The following LSAMP variants were observed in gnomAD, a reference collection of about 807,000 sequenced individuals.
LSAMP encodes the protein limbic system-associated membrane protein.
LSAMP carries 7 observed loss-of-function variants against 38.6 expected under a neutral mutation model. The ratio of observed to expected loss-of-function variants is 0.18; its 90% confidence interval spans 0.10 to 0.34. The LOEUF is 0.34. LSAMP is among the 10% of genes least tolerant of loss of function. The pLI is 1.00. For synonymous variants in LSAMP, 154 were observed against 166.8 expected (o/e 0.92, Z 0.59); for missense variants, 313 against 420.0 (o/e 0.75, Z 2.23).
At position 115,838,143 on chromosome 3, in the gene LSAMP, T is replaced by C. The variant is rs74517260; in HGVS notation, c.919+3702A>G. Reference sequence around the variant, plus strand: ...CCACTGCACTCCAGCCTGGGTAACATAGCAAGACCTGTTTCTGACACAAAA... The same window carrying C: ...CCACTGCACTCCAGCCTGGGTAACACAGCAAGACCTGTTTCTGACACAAAA... On this transcript the variant is annotated intron_variant, in intron 6 of 6. Coordinates refer to ENST00000490035, the MANE Select transcript of LSAMP (RefSeq NM_002338.5). 304 of 152,340 alleles carry C rather than the reference T, an allele frequency of 2.0e-3. 4 individuals are homozygous for C. The highest frequency in any genetic ancestry group is 6.6e-3 in the African/African-American group (276 of 41,572). The allele number at this position is 152,340 out of a possible 1,614,324, so 9.4% of individuals were successfully genotyped here.
At chr3:116,420,016 C>A in intron 1 of LSAMP, among the ~76,000 whole-genome samples, 1 of 152,078 alleles carries the variant, frequency 6.6e-6, no homozygotes, top group South Asian at 2.1e-4. Flanking sequence ...ATATCATTTC[C>A]TTCCTGAAAA....
intron 1 of LSAMP, among the ~76,000 whole-genome samples, chr3:116,163,403 ACTC>A (rs1576403180): frequency 2.0e-5 from 3 of 151,328 alleles, no homozygotes; most frequent in East Asian, 3.9e-4. Context: ...AAGGACATGA[ACTC>A]ATCATTTTTT....
chr3:116,263,433 G>A (rs1263325326), intron 1 of LSAMP, among the ~76,000 whole-genome samples: 2 of 151,900 alleles, frequency 1.3e-5, no homozygotes, highest in Non-Finnish European at 2.9e-5. Flanking sequence ...AGCTACTCGG[G>A]AGGCTGAGGC....
chr3:115,994,977 A>G (rs934460095), intron 3 of LSAMP, among the ~76,000 whole-genome samples: 1 of 152,128 alleles, frequency 6.6e-6, no homozygotes, highest in African/African-American at 2.4e-5. Flanking sequence ...GATGCTGGGC[A>G]TCGCACAATG....
At chr3:116,415,187 A>G (rs558398302) in intron 1 of LSAMP, among the ~76,000 whole-genome samples, 4 of 150,926 alleles carry the variant, frequency 2.7e-5, no homozygotes, top group East Asian at 4.0e-4. Flanking sequence ...GGCTCTCCCT[A>G]TCTTAGTCCA....
intron 3 of LSAMP, among the ~76,000 whole-genome samples, chr3:115,992,449 G>A (rs1939698092): frequency 6.6e-6 from 1 of 152,026 alleles, no homozygotes; most frequent in Non-Finnish European, 1.5e-5. Flanking sequence ...TCCTACAAGT[G>A]AGTAGGACGA....
At chr3:116,349,174 CTAT>C (rs1487444617) in intron 1 of LSAMP, among the ~76,000 whole-genome samples, 1 of 151,736 alleles carries the variant, frequency 6.6e-6, no homozygotes, top group African/African-American at 2.4e-5. Context: ...TCAATAACAG[CTAT>C]TATTATTATG....
intron 3 of LSAMP, among the ~76,000 whole-genome samples, chr3:116,019,006 G>A (rs937823279): frequency 2.0e-5 from 3 of 152,126 alleles, no homozygotes; most frequent in African/African-American, 7.2e-5. Flanking sequence ...TTAGAAAACT[G>A]TAGTTAAAAG....
chr3:116,380,157 G>T (rs2048538530), intron 1 of LSAMP, among the ~76,000 whole-genome samples: 1 of 151,756 alleles, frequency 6.6e-6, no homozygotes, highest in East Asian at 1.9e-4. Flanking sequence ...GGTAAAAAAG[G>T]ATTATCAATA....
intron 1 of LSAMP, among the ~76,000 whole-genome samples, chr3:116,383,611 T>A (rs1253892079): frequency 6.6e-6 from 1 of 151,840 alleles, no homozygotes; most frequent in Non-Finnish European, 1.5e-5. Flanking sequence ...GGAAATAGGA[T>A]GAAAAGACAA....
intron 6 of LSAMP, among the ~76,000 whole-genome samples, chr3:115,824,704 C>T (rs72949781): frequency 0.16 from 23,961 of 146,234 alleles, 2,236 homozygotes; most frequent in Middle Eastern, 0.23. Flanking sequence ...GGCGAGACTC[C>T]GTCTTAAAAA....
intron 1 of LSAMP, among the ~76,000 whole-genome samples, chr3:116,120,106 G>C (rs1708840928): frequency 6.6e-6 from 1 of 152,156 alleles, no homozygotes. Context: ...TGATGATGGA[G>C]AGATAAAGAC....
At chr3:116,104,464 C>T (rs899470194) in intron 1 of LSAMP, among the ~76,000 whole-genome samples, 3 of 151,636 alleles carry the variant, frequency 2.0e-5, no homozygotes, top group African/African-American at 7.3e-5. Context: ...TTCTTCCATG[C>T]AGCTCACCCA....
intron 6 of LSAMP, among the ~76,000 whole-genome samples, chr3:115,821,048 ATTC>A (rs896508208): frequency 7.9e-5 from 12 of 152,164 alleles, no homozygotes; most frequent in African/African-American, 1.7e-4. Flanking sequence ...TTGAAGATTT[ATTC>A]TTCTTCTTAC....
At chr3:115,842,374 C>T (rs534600383) in intron 5 of LSAMP, 84 bp downstream of exon 5, 33 of 1,514,244 alleles carry the variant, frequency 2.2e-5, no homozygotes, top group Non-Finnish European at 2.9e-5. Context: ...TTACAACTGG[C>T]TTGGCTTTGG....
intron 1 of LSAMP, among the ~76,000 whole-genome samples, chr3:116,417,332 C>T (rs773425602): frequency 1.2e-4 from 19 of 152,208 alleles, no homozygotes; most frequent in Admixed American, 5.9e-4. Context: ...TGGGTCAGTC[C>T]TAGCCACGTG....
intron 1 of LSAMP, among the ~76,000 whole-genome samples, chr3:116,213,889 C>T (rs2046190437): frequency 6.6e-6 from 1 of 152,024 alleles, no homozygotes; most frequent in Non-Finnish European, 1.5e-5. Context: ...ATGATGGATG[C>T]CAAGGACTAG....
intron 1 of LSAMP, among the ~76,000 whole-genome samples, chr3:116,429,362 G>C (rs759542094): frequency 6.6e-6 from 1 of 152,188 alleles, no homozygotes; most frequent in East Asian, 1.9e-4. Context: ...GCAAGAGGTG[G>C]AGATATATTC....
chr3:116,164,701 T>TA (rs1709997164), intron 1 of LSAMP, among the ~76,000 whole-genome samples: 2 of 90,430 alleles, frequency 2.2e-5, no homozygotes, highest in Non-Finnish European at 2.4e-5. Context: ...TATATATATA[T>TA]ATAATCCAAA....
Sources: gnomAD v4.1 joint callset for allele counts (sites outside exome capture counted in the v4.1 genomes callset) on GRCh38, gnomAD v4.1.1 for gene constraint, MANE v1.5 for transcripts, NCBI Gene and HGNC (gene_info 2026-07-23, HGNC 2026-07-21) for gene names.